Variants in PCDH7 observed in about 807,000 individuals in gnomAD.
PCDH7 encodes protocadherin 7, also known as protocadherin-7.
In PCDH7, 17 loss-of-function variants were observed where a neutral mutation model predicts 58.9. That is an observed-to-expected ratio of 0.29 (90% CI 0.20 to 0.43). The LOEUF (loss-of-function observed/expected upper bound fraction) is 0.43. Among genes scored for constraint, PCDH7 ranks in the 20% least tolerant of loss-of-function variants. The pLI, the probability that PCDH7 is intolerant of heterozygous loss-of-function variation, is 1.00. For synonymous variants in PCDH7, 664 were observed against 616.4 expected (o/e 1.08, Z -1.14); for missense variants, 1,274 against 1,441.0 (o/e 0.88, Z 1.88).
At chr4:30,957,591 T>G (rs1747988609) in intron 3 of PCDH7, among the ~76,000 whole-genome samples, 1 of 152,102 alleles carries the variant, frequency 6.6e-6, no homozygotes, top group African/African-American at 2.4e-5. Context: ...GGTGGGGTGA[T>G]TGTTTTAAAA....
intron 1 of PCDH7, among the ~76,000 whole-genome samples, chr4:30,830,905 C>T (rs1444133472): frequency 6.6e-6 from 1 of 152,120 alleles, no homozygotes; most frequent in Non-Finnish European, 1.5e-5. Flanking sequence ...ACACTTTCTT[C>T]TACTTCAACT....
intron 3 of PCDH7, among the ~76,000 whole-genome samples, chr4:31,041,415 C>G (rs528626417): frequency 6.6e-6 from 1 of 152,088 alleles, no homozygotes; most frequent in African/African-American, 2.4e-5. Context: ...AAAGAGCATG[C>G]TCCTTGCTTA....
At chr4:30,903,903 A>G (rs1309075147) in intron 1 of PCDH7, among the ~76,000 whole-genome samples, 2 of 152,150 alleles carry the variant, frequency 1.3e-5, no homozygotes, top group Non-Finnish European at 2.9e-5. Context: ...TATAAAGACT[A>G]TTTTGATGAT....
chr4:31,121,010 C>A (rs1352007605), intron 3 of PCDH7, among the ~76,000 whole-genome samples: 5 of 152,096 alleles, frequency 3.3e-5, no homozygotes, highest in African/African-American at 1.2e-4. Flanking sequence ...CCAAAGCTAT[C>A]CTTACCTTTA....
At chr4:30,948,949 C>G (rs6844071) in intron 2 of PCDH7, among the ~76,000 whole-genome samples, 8 of 151,904 alleles carry the variant, frequency 5.3e-5, no homozygotes, top group African/African-American at 1.9e-4. Flanking sequence ...TTTCCAAACC[C>G]TAATGATCCT....
At chr4:31,083,591 C>A (rs893595783) in intron 3 of PCDH7, among the ~76,000 whole-genome samples, 1 of 152,176 alleles carries the variant, frequency 6.6e-6, no homozygotes, top group African/African-American at 2.4e-5. Context: ...TAAAGGATTA[C>A]GTTCTTAATC....
At chr4:30,910,139 CTG>C (rs1741536665) in intron 1 of PCDH7, among the ~76,000 whole-genome samples, 1 of 152,132 alleles carries the variant, frequency 6.6e-6, no homozygotes, top group South Asian at 2.1e-4. Context: ...AAAACTGAAA[CTG>C]GACCCCTTCC....
At chr4:30,940,271 C>T (rs1745874821) in intron 2 of PCDH7, among the ~76,000 whole-genome samples, 1 of 151,830 alleles carries the variant, frequency 6.6e-6, no homozygotes, top group Admixed American at 6.6e-5. Context: ...AAAATTATCA[C>T]ACTTTCTGAA....
chr4:30,771,887 T>C (rs2109279275), intron 1 of PCDH7, among the ~76,000 whole-genome samples: 1 of 152,246 alleles, frequency 6.6e-6, no homozygotes, highest in East Asian at 1.9e-4. Flanking sequence ...TTTTTTTTCT[T>C]TGAGATGGAG....
intron 3 of PCDH7, among the ~76,000 whole-genome samples, chr4:31,086,364 T>G (rs1712436374): frequency 1.3e-5 from 2 of 152,218 alleles, no homozygotes; most frequent in African/African-American, 4.8e-5. Context: ...TTATTTTAAG[T>G]CTGTTTTTGC....
At chr4:30,752,591 T>C (rs1352323836) in intron 1 of PCDH7, among the ~76,000 whole-genome samples, 1 of 151,534 alleles carries the variant, frequency 6.6e-6, no homozygotes, top group Non-Finnish European at 1.5e-5. Flanking sequence ...ATGTGAGGAA[T>C]GTTAACAGTG....
At chr4:31,028,190 A>G (rs1392454833) in intron 3 of PCDH7, among the ~76,000 whole-genome samples, 1 of 152,210 alleles carries the variant, frequency 6.6e-6, no homozygotes, top group Admixed American at 6.5e-5. Context: ...ATTAGGATAT[A>G]TAAAAAGTTA....
intron 1 of PCDH7, among the ~76,000 whole-genome samples, chr4:30,866,378 T>G (rs1238428284): frequency 6.6e-6 from 1 of 152,124 alleles, no homozygotes; most frequent in African/African-American, 2.4e-5. Context: ...AGGAAACAGA[T>G]GCTTAGTCAG....
intron 3 of PCDH7, among the ~76,000 whole-genome samples, chr4:31,042,237 G>A (rs1035852743): frequency 6.6e-6 from 1 of 152,078 alleles, no homozygotes; most frequent in Admixed American, 6.6e-5. Flanking sequence ...GATAAGATAG[G>A]AGGATAGCAA....
intron 3 of PCDH7, among the ~76,000 whole-genome samples, chr4:30,992,327 A>G (rs1309841930): frequency 6.6e-6 from 1 of 152,202 alleles, no homozygotes; most frequent in Non-Finnish European, 1.5e-5. Flanking sequence ...CTGAATATCA[A>G]CAGTGCCACT....
chr4:30,726,487 G>A (rs775328066), intron 1 of PCDH7, among the ~76,000 whole-genome samples: 1 of 151,942 alleles, frequency 6.6e-6, no homozygotes, highest in South Asian at 2.1e-4. Flanking sequence ...CATCAGATGA[G>A]GTTAGCTCTA....
At chr4:30,981,697 T>C (rs1441645437) in intron 3 of PCDH7, among the ~76,000 whole-genome samples, 1 of 152,200 alleles carries the variant, frequency 6.6e-6, no homozygotes, top group Non-Finnish European at 1.5e-5. Context: ...AATAAAGGAT[T>C]CAGTTTTCAC....
chr4:30,874,376 T>C lies in PCDH7; in HGVS notation c.71-45777T>C, dbSNP rs562315261. On this transcript the variant is annotated intron_variant, in intron 1 of 3. Coordinates refer to the PCDH7 transcript ENST00000509759. ...AATACTATGCAGCCATAAAAAATGA[T>C]GAGTTCATGTCCAATTTCATGGATG... 5.8e-4 allele frequency among the ~76,000 whole-genome samples: 89 copies of C among 152,190 alleles called. 2 individuals carry two copies. In the South Asian group the frequency reaches 0.017, roughly 30 times the overall value.
At chr4:30,809,826 G>A (rs1329047354) in intron 1 of PCDH7, among the ~76,000 whole-genome samples, 1 of 152,108 alleles carries the variant, frequency 6.6e-6, no homozygotes, top group African/African-American at 2.4e-5. Flanking sequence ...TTGGTCTGGT[G>A]TTTATTATAT....
Sources: allele counts gnomAD v4.1 joint callset (sites outside exome capture counted in the v4.1 genomes callset), GRCh38; gene constraint gnomAD v4.1.1; transcripts MANE v1.5; gene names NCBI Gene and HGNC (gene_info 2026-07-23, HGNC 2026-07-21).